Variants in SLC44A1 observed in about 807,000 individuals in gnomAD.
The protein encoded by SLC44A1 is choline transporter-like protein 1.
Under a neutral mutation model 79.3 loss-of-function variants are expected in SLC44A1, and 26 were observed. That is an observed-to-expected ratio of 0.33 (90% CI 0.24 to 0.46). The LOEUF is 0.46. Among genes scored for constraint, SLC44A1 ranks in the 20% least tolerant of loss-of-function variants. SLC44A1 has a pLI of 1.00. For missense variants in SLC44A1, 688 were observed against 798.1 expected (o/e 0.86, Z 1.66); for synonymous variants, 263 against 286.2 (o/e 0.92, Z 0.82).
At chr9:105,344,056 AT>A (rs1300946939) in intron 4 of SLC44A1, among the ~76,000 whole-genome samples, 1 of 152,340 alleles carries the variant, frequency 6.6e-6, no homozygotes, top group East Asian at 1.9e-4. Context: ...GTGTTTCTTA[AT>A]TAGTGAAAAA....
At chr9:105,385,089 A>C (rs977283036) in intron 14 of SLC44A1, among the ~76,000 whole-genome samples, 1 of 152,242 alleles carries the variant, frequency 6.6e-6, no homozygotes, top group African/African-American at 2.4e-5. Context: ...AACAACAACA[A>C]CAAATAAAAT....
intron 3 of SLC44A1, among the ~76,000 whole-genome samples, chr9:105,324,857 T>A (rs1029617194): frequency 2.6e-5 from 4 of 152,178 alleles, no homozygotes; most frequent in Admixed American, 2.6e-4. Context: ...GTTACAGATG[T>A]TGGTGAGAAT....
intron 1 of SLC44A1, among the ~76,000 whole-genome samples, chr9:105,251,188 C>T (rs545791434): frequency 6.6e-6 from 1 of 152,162 alleles, no homozygotes; most frequent in South Asian, 2.1e-4. Context: ...AATCTGTCCT[C>T]AAAATCGTAC....
chr9:105,310,149 C>CTT (rs138111575), intron 3 of SLC44A1, among the ~76,000 whole-genome samples: 1 of 150,834 alleles, frequency 6.6e-6, no homozygotes, highest in African/African-American at 2.4e-5. Flanking sequence ...TTCTTTTACT[C>CTT]TTTTTTTTTC....
In SLC44A1 at chr9:105,362,836, A is replaced by G. The variant is rs911826695; in HGVS notation, c.916A>G (p.Ile306Val). 1 of 1,604,420 alleles carries G rather than the reference A, an allele frequency of 6.2e-7. No individual in the cohort carries two copies. The highest frequency in any genetic ancestry group is 8.5e-7 in the Non-Finnish European group (1 of 1,176,304). ...ATVFTVILFL[I>V]MLVMRKRVAL... ...CTCCATACAGGTGATCTTATTCCTG[A>G]TAATGTTGGTTATGCGCAAACGTGT... The change falls in exon 9 of 16, where the codon ATA (isoleucine) becomes GTA (valine). Residue 306 changes from isoleucine to valine, a missense_variant. By Grantham distance (29) the Ile-to-Val change is conservative. Transcript: ENST00000374720.
chr9:105,422,501 A>G (rs548208349), intron 15 of SLC44A1, among the ~76,000 whole-genome samples: 18 of 151,744 alleles, frequency 1.2e-4, no homozygotes, highest in African/African-American at 4.4e-4. Context: ...GTTGGCCAGG[A>G]TGGTCTTGAT....
At chr9:105,362,382 A>G (rs1023843058) in intron 8 of SLC44A1, among the ~76,000 whole-genome samples, 1 of 152,150 alleles carries the variant, frequency 6.6e-6, no homozygotes, top group African/African-American at 2.4e-5. Context: ...GCTGCTGAAG[A>G]TGGGATGTGG....
chr9:105,249,691 A>AT (rs1331556960), intron 1 of SLC44A1, among the ~76,000 whole-genome samples: 6,593 of 141,728 alleles, frequency 0.047, 498 homozygotes, highest in African/African-American at 0.16. Context: ...CACCCAGCTA[A>AT]TTTTTTTTTT....
intron 15 of SLC44A1, among the ~76,000 whole-genome samples, chr9:105,387,101 G>A (rs71494528): frequency 8.3e-6 from 1 of 121,098 alleles, no homozygotes; most frequent in Non-Finnish European, 1.7e-5. Context: ...ATTTAATTAA[G>A]AGTAAAGGAA....
chr9:105,247,966 A>G (rs1829497491), intron 1 of SLC44A1, among the ~76,000 whole-genome samples: 1 of 152,204 alleles, frequency 6.6e-6, no homozygotes, highest in South Asian at 2.1e-4. Context: ...CAGTGGTACC[A>G]TCAGCTTGCA....
chr9:105,389,314 G>T lies in SLC44A1; in HGVS notation c.*258G>T. ...TACAAGGCAACTTCCGTCATTTAAT[G>T]TTTTCAACTGTAATTGTCTTAATGG... On this transcript the variant is annotated 3_prime_UTR_variant, in exon 16 of 16. Coordinates refer to ENST00000374720, the MANE Select transcript of SLC44A1 (RefSeq NM_080546.5). 8.5e-7 allele frequency: 1 copy of T among 1,176,350 alleles called. No individual in the cohort carries two copies. The highest frequency in any genetic ancestry group is 4.4e-5 in the Admixed American group (1 of 22,722). The allele number at this position is 1,176,350 out of a possible 1,614,324, so 72.9% of individuals were successfully genotyped here.
At position 105,365,538 on chromosome 9, in the gene SLC44A1, C is replaced by G. The variant is rs748507423; in HGVS notation, c.1309C>G (p.Arg437Gly). The G allele has an allele frequency of 6.8e-6, 11 of 1,612,322 alleles. No homozygotes were observed. Among genetic ancestry groups the G allele is most frequent in the Non-Finnish European group, 9.3e-6 (11 of 1,178,444 alleles). The change falls in exon 11 of 16, where the codon CGT becomes GGT. Residue 437 changes from arginine (R) to glycine (G), a missense_variant. Physicochemically the swap from Arg to Gly is moderately radical, Grantham distance 125 (BLOSUM62 -2). Coordinates refer to ENST00000374720, the MANE Select transcript of SLC44A1 (RefSeq NM_080546.5). ...TTTGGCATCAGTAAATCGCCTTATTCGTTACCACCTAGGTACGGTGGCAAA... is the reference window on the plus strand; with the variant it reads ...TTTGGCATCAGTAAATCGCCTTATTGGTTACCACCTAGGTACGGTGGCAAA... The part of the protein sequence containing the change: ...PILASVNRLI[R>G]YHLGTVAKGS...
chr9:105,417,716 G>A (rs1829189368), intron 15 of SLC44A1, among the ~76,000 whole-genome samples: 1 of 151,490 alleles, frequency 6.6e-6, no homozygotes, highest in African/African-American at 2.4e-5. Context: ...AGAAGGCCAG[G>A]AAGCAGCCAG....
intron 1 of SLC44A1, among the ~76,000 whole-genome samples, chr9:105,292,209 C>T (rs1830617616): frequency 6.6e-6 from 1 of 152,144 alleles, no homozygotes; most frequent in Non-Finnish European, 1.5e-5. Flanking sequence ...GTCAGAAATT[C>T]CAAGTTGCAG....
intron 1 of SLC44A1, among the ~76,000 whole-genome samples, chr9:105,268,534 G>A (rs990271027): frequency 1.3e-5 from 2 of 151,286 alleles, no homozygotes; most frequent in African/African-American, 2.4e-5. Context: ...ACGGAGTTTC[G>A]CTCTTGTTGC....
intron 1 of SLC44A1, among the ~76,000 whole-genome samples, chr9:105,262,882 G>A (rs1220043003): frequency 6.6e-6 from 1 of 152,150 alleles, no homozygotes; most frequent in South Asian, 2.1e-4. Context: ...ATCTCATTTG[G>A]TTCCAAAAAT....
In SLC44A1 at chr9:105,395,862, C is replaced by T; in HGVS notation, c.*6806C>T. ...TAGTTGCCACTAGAAAATGTGAGCT[C>T]CTTCTTCATTTACCATGTTGATAAT... On this transcript the variant is annotated 3_prime_UTR_variant, in exon 16 of 16. Transcript: ENST00000374720. 1 of 982,088 alleles carries T rather than the reference C, an allele frequency of 1.0e-6. No individual in the cohort carries two copies. The highest frequency in any genetic ancestry group is 6.2e-5 in the Admixed American group (1 of 16,128). 60.8% of individuals were successfully genotyped at this position (982,088 alleles called of 1,614,324 possible).
At chr9:105,303,802 C>T (rs1375064470) in intron 2 of SLC44A1, among the ~76,000 whole-genome samples, 3 of 152,204 alleles carry the variant, frequency 2.0e-5, no homozygotes, top group Non-Finnish European at 2.9e-5. Context: ...ACCTTGCTTG[C>T]CAGTGAAACG....
At chr9:105,283,611 T>C (rs1321854010) in intron 1 of SLC44A1, among the ~76,000 whole-genome samples, 1 of 152,220 alleles carries the variant, frequency 6.6e-6, no homozygotes, top group Non-Finnish European at 1.5e-5. Flanking sequence ...CAGAAATTTT[T>C]TGTCAGTTTG....
Sources: gnomAD v4.1 joint callset for allele counts (sites outside exome capture counted in the v4.1 genomes callset) on GRCh38, gnomAD v4.1.1 for gene constraint, MANE v1.5 for transcripts, NCBI Gene and HGNC (gene_info 2026-07-23, HGNC 2026-07-21) for gene names.